Variants in ERC2 observed in about 807,000 individuals in gnomAD.
ERC2 encodes ERC protein 2.
ERC2 carries 42 observed loss-of-function variants against 114.8 expected under a neutral mutation model. The ratio of observed to expected loss-of-function variants is 0.37; its 90% CI spans 0.29 to 0.47. ERC2 has a LOEUF of 0.47. Among genes scored for constraint, ERC2 ranks in the 20% least tolerant of loss-of-function variants. The pLI is 0.99. For missense variants in ERC2, 939 were observed against 1,150.7 expected (o/e 0.82, Z 2.66); for synonymous variants, 454 against 425.5 (o/e 1.07, Z -0.82).
At chr3:56,038,767 G>A (rs532580023) in intron 7 of ERC2, among the ~76,000 whole-genome samples, 29 of 152,212 alleles carry the variant, frequency 1.9e-4, no homozygotes, top group Non-Finnish European at 3.7e-4. Context: ...AAAGGAATAA[G>A]ATCATGTCCT....
At position 55,806,646 on chromosome 3, in the gene ERC2, G is replaced by A. The variant is rs575469885; in HGVS notation, c.2565-71728C>T. ...CTGGCATCCAATGGGCAGAGGCCAGGGATGCTACTAAGCATCCTACAAGAC... is the reference window on the plus strand; with the variant it reads ...CTGGCATCCAATGGGCAGAGGCCAGAGATGCTACTAAGCATCCTACAAGAC... On this transcript the variant is annotated intron_variant, in intron 14 of 17. Transcript: ENST00000288221. Among the ~76,000 whole-genome samples the A allele has an allele frequency of 4.3e-4, 65 of 152,202 alleles. No individual in the cohort carries two copies. The South Asian group carries it at 7.5e-3, about 17-fold the overall frequency.
intron 3 of ERC2, among the ~76,000 whole-genome samples, chr3:56,180,912 T>C (rs2083254644): frequency 6.6e-6 from 1 of 152,180 alleles, no homozygotes; most frequent in South Asian, 2.1e-4. Flanking sequence ...CATCTTGAAG[T>C]TGGTGTCTAT....
At chr3:55,763,408 T>C (rs1050056479) in intron 14 of ERC2, among the ~76,000 whole-genome samples, 2 of 152,214 alleles carry the variant, frequency 1.3e-5, no homozygotes, top group Non-Finnish European at 2.9e-5. Flanking sequence ...TGAGTGAGAC[T>C]ATGAAGAAAA....
chr3:55,637,397 G>A (rs1307357525), intron 17 of ERC2, among the ~76,000 whole-genome samples: 2 of 152,196 alleles, frequency 1.3e-5, no homozygotes, highest in Non-Finnish European at 2.9e-5. Context: ...TACCTGCTGA[G>A]GACTCATCAG....
At chr3:56,347,296 C>T (rs2058347126) in intron 2 of ERC2, among the ~76,000 whole-genome samples, 1 of 152,064 alleles carries the variant, frequency 6.6e-6, no homozygotes, top group Non-Finnish European at 1.5e-5. Context: ...AGCTCCAAAC[C>T]CACTTTTTCA....
chr3:55,560,531 C>A (rs930554911), intron 17 of ERC2, among the ~76,000 whole-genome samples: 1 of 152,062 alleles, frequency 6.6e-6, no homozygotes, highest in Non-Finnish European at 1.5e-5. Flanking sequence ...AGGTGCCCAG[C>A]CTGCAGCTGA....
rs149525591 is a variant in ERC2, at chr3:55,894,918, C to T, written c.2404-6369G>A. ...AATACAGTGCCTAGTAATTATTCAG[C>T]CTATCTATGTCTGCATATTGCTCCA... On this transcript the variant is annotated intron_variant, in intron 13 of 17. Transcript: ENST00000288221. Among the ~76,000 whole-genome samples the T allele has an allele frequency of 4.8e-3, 738 of 152,298 alleles. 3 individuals carry two copies. Among genetic ancestry groups the T allele is most frequent in the African/African-American group, 0.017 (699 of 41,556 alleles).
At chr3:55,705,213 G>A (rs1481376967) in intron 15 of ERC2, among the ~76,000 whole-genome samples, 1 of 152,152 alleles carries the variant, frequency 6.6e-6, no homozygotes, top group Non-Finnish European at 1.5e-5. Context: ...CCAGCTGAGG[G>A]CAGAGGCATC....
chr3:56,012,832 T>A (rs184009308), intron 8 of ERC2, among the ~76,000 whole-genome samples: 1 of 152,336 alleles, frequency 6.6e-6, no homozygotes, highest in African/African-American at 2.4e-5. Flanking sequence ...TAATATACCA[T>A]GATGTACTTG....
At chr3:55,742,557 C>CTTT (rs1415187630) in intron 14 of ERC2, among the ~76,000 whole-genome samples, 4 of 152,162 alleles carry the variant, frequency 2.6e-5, no homozygotes, top group African/African-American at 9.7e-5. Flanking sequence ...TAAGAGAAAG[C>CTTT]CTACATTATG....
rs1202097578 is a variant in ERC2, at chr3:56,018,878, T to C, written c.1779+16A>G. 1 of 1,606,974 alleles carries C rather than the reference T, an allele frequency of 6.2e-7. No homozygotes were observed. Among genetic ancestry groups the C allele is most frequent in the Non-Finnish European group, 8.5e-7 (1 of 1,177,398 alleles). ...TCCCCATATCCTGATTCCCCAGTTT[T>C]TGAGTGCATGCTCACCTTCTCTGAC... is the stretch of plus-strand genomic sequence containing the variant. On this transcript the variant is annotated intron_variant, in intron 8 of 17. Transcript: ENST00000288221.
chr3:56,463,191 T>G (rs779813157), intron 1 of ERC2, among the ~76,000 whole-genome samples: 1 of 152,082 alleles, frequency 6.6e-6, no homozygotes, highest in Non-Finnish European at 1.5e-5. Context: ...TCGGTGCCAC[T>G]GCACTCCAGC....
At chr3:56,133,409 C>T (rs1218427302) in intron 6 of ERC2, among the ~76,000 whole-genome samples, 1 of 152,066 alleles carries the variant, frequency 6.6e-6, no homozygotes, top group African/African-American at 2.4e-5. Context: ...TGCACTCCAG[C>T]CTGAGCGACA....
chr3:56,032,846 A>G (rs11926790), intron 7 of ERC2, among the ~76,000 whole-genome samples: 2 of 126,098 alleles, frequency 1.6e-5, no homozygotes, highest in African/African-American at 5.5e-5. Flanking sequence ...TTGGAAGAAC[A>G]AAAGAAAGAA....
chr3:55,858,067 T>G (rs2149256549), intron 14 of ERC2, among the ~76,000 whole-genome samples: 2 of 152,272 alleles, frequency 1.3e-5, no homozygotes, highest in East Asian at 3.9e-4. Flanking sequence ...TCCTGAAACT[T>G]GTGACATATA....
At chr3:56,137,868 TTAAA>T (rs2149909099) in intron 6 of ERC2, among the ~76,000 whole-genome samples, 1 of 152,270 alleles carries the variant, frequency 6.6e-6, no homozygotes, top group East Asian at 1.9e-4. Context: ...TAATTTTAGT[TTAAA>T]TAGCCACATG....
Position 56,156,449 on chromosome 3 carries a change from C to T in ERC2, c.1150-7317G>A, listed in dbSNP as rs143724841. ...GGAACAGACTCAGATCCCCACAAGA[C>T]GGACACCTCCTGAAGCACTGGAACC... On this transcript the variant is annotated intron_variant, in intron 4 of 17. Transcript: ENST00000288221. Among the ~76,000 whole-genome samples the T allele has an allele frequency of 9.3e-4, 142 of 152,204 alleles. 4 individuals carry two copies. The East Asian group carries it at 0.024, about 25-fold the overall frequency.
At chr3:56,445,426 C>T (rs2062515132) in intron 1 of ERC2, among the ~76,000 whole-genome samples, 1 of 152,188 alleles carries the variant, frequency 6.6e-6, no homozygotes, top group African/African-American at 2.4e-5. Flanking sequence ...GTTTCCACTC[C>T]TCTTGAACCA....
At chr3:55,612,095 T>TG (rs2058929987) in intron 17 of ERC2, among the ~76,000 whole-genome samples, 1 of 152,190 alleles carries the variant, frequency 6.6e-6, no homozygotes, top group Non-Finnish European at 1.5e-5. Context: ...TCAGAATACC[T>TG]GGGTATGTCA....
Sources: gnomAD v4.1 joint callset for allele counts (sites outside exome capture counted in the v4.1 genomes callset) on GRCh38, gnomAD v4.1.1 for gene constraint, MANE v1.5 for transcripts, NCBI Gene and HGNC (gene_info 2026-07-23, HGNC 2026-07-21) for gene names.